LDLRAD4: variants seen among roughly 807,000 people sequenced by gnomAD.
LDLRAD4 encodes low density lipoprotein receptor class A domain containing 4, also known as low-density lipoprotein receptor class A domain-containing protein 4.
Under a neutral mutation model 17.0 loss-of-function variants are expected in LDLRAD4, and 5 were observed. That is an observed-to-expected ratio of 0.29 (90% CI 0.15 to 0.62). The LOEUF is 0.62. LDLRAD4 is among the 20% of genes least tolerant of loss of function. The pLI is 0.84. For missense variants in LDLRAD4, 340 were observed against 424.7 expected (o/e 0.80, Z 1.75); for synonymous variants, 168 against 171.8 (o/e 0.98, Z 0.17).
intron 4 of LDLRAD4, among the ~76,000 whole-genome samples, chr18:13,637,624 G>C (rs1039862254): frequency 6.6e-6 from 1 of 152,118 alleles, no homozygotes; most frequent in Non-Finnish European, 1.5e-5. Context: ...CTAGCACTTT[G>C]GGAGGCCGAG....
intron 3 of LDLRAD4, among the ~76,000 whole-genome samples, chr18:13,620,187 G>A (rs1002177257): frequency 6.6e-6 from 1 of 152,200 alleles, no homozygotes; most frequent in Non-Finnish European, 1.5e-5. Flanking sequence ...CTCCCCACTG[G>A]CCGGGGCCTG....
intron 1 of LDLRAD4, among the ~76,000 whole-genome samples, chr18:13,386,891 CATAGATAGATAGATAGATAGATAG>C (rs71174169): frequency 5.6e-4 from 83 of 146,910 alleles, no homozygotes; most frequent in Middle Eastern, 3.4e-3. Flanking sequence ...CCCTGTCATT[CATAGATAGATAGATAGATAGATAG>C]ATAGATAGAT....
chr18:13,477,600 G>C (rs2092975005), intron 3 of LDLRAD4, among the ~76,000 whole-genome samples: 1 of 152,210 alleles, frequency 6.6e-6, no homozygotes, highest in African/African-American at 2.4e-5. Context: ...CTCAGGTCAT[G>C]GGATTATGGA....
chr18:13,375,444 C>T (rs939322190), intron 1 of LDLRAD4, among the ~76,000 whole-genome samples: 22 of 152,048 alleles, frequency 1.4e-4, no homozygotes, highest in African/African-American at 4.8e-4. Context: ...GTGATGTCTC[C>T]GACGTGGGGA....
chr18:13,237,091 C>T (rs34147910), intron 1 of LDLRAD4, among the ~76,000 whole-genome samples: 3,926 of 152,334 alleles, frequency 0.026, 69 homozygotes, highest in Non-Finnish European at 0.035. Context: ...ACTCATAGAA[C>T]GCTTGCTAGG....
At chr18:13,276,383 A>G (rs1381827247), upstream of LDLRAD4, among the ~76,000 whole-genome samples, 3 of 152,074 alleles carry the variant, frequency 2.0e-5, no homozygotes, top group African/African-American at 7.3e-5. Context: ...TGAAAACAGT[A>G]CTCATTTGTT....
At chr18:13,452,932 G>T (rs1324591033) in intron 3 of LDLRAD4, among the ~76,000 whole-genome samples, 1 of 152,188 alleles carries the variant, frequency 6.6e-6, no homozygotes, top group South Asian at 2.1e-4. Flanking sequence ...CCTGGGGCAA[G>T]TGAGGGGGAC....
intron 3 of LDLRAD4, chr18:13,526,054 A>T (rs2094027081): frequency 6.6e-6 from 1 of 152,188 alleles, no homozygotes. Flanking sequence ...GAATTTTATT[A>T]TATTTTATTT....
At chr18:13,612,118 G>C in intron 3 of LDLRAD4, 1 of 985,720 alleles carries the variant, frequency 1.0e-6, no homozygotes, top group Non-Finnish European at 1.2e-6. Context: ...GAGATCAAGG[G>C]AAGGAGTATT....
intron 1 of LDLRAD4, among the ~76,000 whole-genome samples, chr18:13,245,428 A>C (rs2042907703): frequency 6.6e-6 from 1 of 152,210 alleles, no homozygotes; most frequent in Non-Finnish European, 1.5e-5. Flanking sequence ...ATTAATCTTC[A>C]TACAGGACTT....
At chr18:13,363,296 C>T (rs946832570) in intron 1 of LDLRAD4, among the ~76,000 whole-genome samples, 1 of 146,534 alleles carries the variant, frequency 6.8e-6, no homozygotes, top group Non-Finnish European at 1.5e-5. Flanking sequence ...CGCGCCACTG[C>T]ACTCCAACCT....
At chr18:13,315,992 A>C (rs2080911882) in intron 1 of LDLRAD4, among the ~76,000 whole-genome samples, 1 of 152,114 alleles carries the variant, frequency 6.6e-6, no homozygotes, top group Non-Finnish European at 1.5e-5. Flanking sequence ...AGAGCATGAG[A>C]GCCACGGAGA....
At chr18:13,307,536 C>T (rs936163792) in intron 1 of LDLRAD4, among the ~76,000 whole-genome samples, 9 of 152,248 alleles carry the variant, frequency 5.9e-5, no homozygotes, top group Admixed American at 2.6e-4. Context: ...CCCACCTCAA[C>T]CTCCCAGGTA....
chr18:13,636,979 A>G (rs1393310260), intron 4 of LDLRAD4, among the ~76,000 whole-genome samples: 1 of 143,992 alleles, frequency 6.9e-6, no homozygotes, highest in Non-Finnish European at 1.5e-5. Context: ...TGTATTTTCA[A>G]TAGAGTCAGA....
intron 3 of LDLRAD4, among the ~76,000 whole-genome samples, chr18:13,513,602 A>G (rs1284389183): frequency 6.6e-6 from 1 of 152,068 alleles, no homozygotes; most frequent in Non-Finnish European, 1.5e-5. Context: ...TTCCACCTTC[A>G]TCGTCTTCAT....
At chr18:13,357,991 T>G (rs187076376) in intron 1 of LDLRAD4, among the ~76,000 whole-genome samples, 1 of 152,308 alleles carries the variant, frequency 6.6e-6, no homozygotes, top group East Asian at 1.9e-4. Context: ...GAAACCCTTT[T>G]CTGGTTGTTT....
At chr18:13,449,199 G>T (rs1311986756) in intron 3 of LDLRAD4, among the ~76,000 whole-genome samples, 1 of 152,212 alleles carries the variant, frequency 6.6e-6, no homozygotes, top group Admixed American at 6.5e-5. Flanking sequence ...CCTTTTTCCA[G>T]ACAGCTCCTA....
intron 1 of LDLRAD4, among the ~76,000 whole-genome samples, chr18:13,386,714 A>G (rs374376389): frequency 5.3e-5 from 8 of 152,146 alleles, no homozygotes; most frequent in East Asian, 3.8e-4. Flanking sequence ...TTTCCTTCCT[A>G]TTCTCACTAA....
intron 2 of LDLRAD4, chr18:13,426,243 A>G (rs1388176051): frequency 1.3e-5 from 2 of 152,246 alleles, no homozygotes; most frequent in Non-Finnish European, 2.9e-5. Flanking sequence ...AAGTCTCCCA[A>G]GTCTACTAGA....
Sources: gnomAD v4.1 joint callset for allele counts (sites outside exome capture counted in the v4.1 genomes callset) on GRCh38, gnomAD v4.1.1 for gene constraint, MANE v1.5 for transcripts, NCBI Gene and HGNC (gene_info 2026-07-23, HGNC 2026-07-21) for gene names.